The following GFOD2 variants were observed in gnomAD, a reference collection of about 807,000 sequenced individuals.
GFOD2 encodes the protein Gfo/Idh/MocA-like oxidoreductase domain containing 2, also known as glucose-fructose oxidoreductase domain-containing protein 2.
In GFOD2, 9 loss-of-function variants were observed where a neutral mutation model predicts 24.6. The observed-to-expected ratio is 0.37, with a 90% confidence interval of 0.22 to 0.64. The LOEUF (loss-of-function observed/expected upper bound fraction) is 0.64. GFOD2 is among the 30% of genes least tolerant of loss of function. GFOD2 has a pLI of 0.65. For synonymous variants in GFOD2, 211 were observed against 224.8 expected, an observed-to-expected ratio of 0.94 and a Z score of 0.55; for missense variants, 476 against 532.5, an observed-to-expected ratio of 0.89 and a Z score of 1.04.
At chr16:67,703,785 C>T (rs979394980) in intron 1 of GFOD2, among the ~76,000 whole-genome samples, 2 of 152,144 alleles carry the variant, frequency 1.3e-5, no homozygotes, top group African/African-American at 2.4e-5. Context: ...CCATTAACTA[C>T]AGGGGCTAGA....
Sources: allele counts gnomAD v4.1 joint callset (sites outside exome capture counted in the v4.1 genomes callset), GRCh38; gene constraint gnomAD v4.1.1; transcripts MANE v1.5; gene names NCBI Gene and HGNC (gene_info 2026-07-23, HGNC 2026-07-21).